The following CNST variants were observed in gnomAD, a reference collection of about 807,000 sequenced individuals.
The protein encoded by CNST is consortin, connexin sorting protein, also known as consortin.
A neutral mutation model predicts 72.4 loss-of-function variants in CNST; 39 were observed. The ratio of observed to expected loss-of-function variants is 0.54; its 90% CI spans 0.42 to 0.70. CNST has a LOEUF of 0.70. CNST is among the 30% of genes least tolerant of loss of function. The pLI is 0.00. For missense variants in CNST, 871 were observed against 868.5 expected (o/e 1.00, Z -0.04); for synonymous variants, 332 against 320.1 (o/e 1.04, Z -0.40).
In CNST at chr1:246,575,221, T is replaced by G. The variant is rs1660329188; in HGVS notation, c.-52+8558T>G. ...GTTGGCCAGGCTGGTCTTGAACTCCTGACCTCCTGACCTTTTGTCAAGTGT... is the reference window on the plus strand; with the variant it reads ...GTTGGCCAGGCTGGTCTTGAACTCCGGACCTCCTGACCTTTTGTCAAGTGT... On this transcript the variant is annotated intron_variant, in intron 1 of 10. Coordinates refer to ENST00000366513, the MANE Select transcript of CNST (RefSeq NM_152609.3). 3.3e-5 allele frequency among the ~76,000 whole-genome samples: 5 copies of G among 152,156 alleles called. 1 individual carries two copies. Among genetic ancestry groups the G allele is most frequent in the Admixed American group, 1.3e-4 (2 of 15,274 alleles).
At position 246,610,267 on chromosome 1, in the gene CNST, C is replaced by T. The variant is rs896922463; in HGVS notation, c.380-11162C>T. On this transcript the variant is annotated intron_variant, in intron 2 of 10. Coordinates refer to ENST00000366513, the MANE Select transcript of CNST (RefSeq NM_152609.3). Reference sequence around the variant, plus strand: ...CTGCACTCCAGCCTGGGCAATGGAGCGAGACTCCGTCGCAAAAACAAACAA... The same window carrying T: ...CTGCACTCCAGCCTGGGCAATGGAGTGAGACTCCGTCGCAAAAACAAACAA... Among the ~76,000 whole-genome samples the T allele has an allele frequency of 2.6e-5, 4 of 152,080 alleles. No homozygotes were observed. The East Asian group carries it at 5.8e-4, about 22-fold the overall frequency.
intron 9 of CNST, among the ~76,000 whole-genome samples, chr1:246,659,004 TAGGC>T (rs141834888): frequency 0.02 from 3,037 of 152,196 alleles, 97 homozygotes; most frequent in African/African-American, 0.07. Context: ...GGGTGGAACA[TAGGC>T]AGGAGAGAGG....
At chr1:246,660,072 T>C in intron 9 of CNST, 127 bp from the exon 10 acceptor site, 1 of 717,854 alleles carries the variant, frequency 1.4e-6, no homozygotes, top group Non-Finnish European at 2.2e-6. Flanking sequence ...GATGTTATTT[T>C]TTTCTATAGG....
intron 1 of CNST, among the ~76,000 whole-genome samples, chr1:246,579,451 T>C (rs1404870229): frequency 6.6e-6 from 1 of 152,238 alleles, no homozygotes; most frequent in African/African-American, 2.4e-5. Flanking sequence ...TGCATCTTGC[T>C]ATCACTAGAA....
At position 246,585,662 on chromosome 1, in the gene CNST, A is replaced by AT. The variant is rs1259566058; in HGVS notation, c.-51-5850_-51-5849insT. Among the ~76,000 whole-genome samples, 355 of 57,792 alleles carry AT rather than the reference A, an allele frequency of 6.1e-3. 12 individuals are homozygous for AT. Among genetic ancestry groups the AT allele is most frequent in the African/African-American group, 0.015 (244 of 16,628 alleles). The allele number at this position is 57,792 out of a possible 152,430, so 37.9% of individuals were successfully genotyped here. On this transcript the variant is annotated intron_variant, in intron 1 of 10. Transcript: ENST00000366513. ...GTCTCAAAAAAAAAAAAAAAAAAAA[A>AT]ATATACACACACACACACACACACA...
chr1:246,569,741 G>A (rs1399370594), intron 1 of CNST: 1 of 154,348 alleles, frequency 6.5e-6, no homozygotes, highest in African/African-American at 2.4e-5. Context: ...TTCTCTTAGT[G>A]TTGACTGTGT....
chr1:246,577,288 C>T (rs1248617130), intron 1 of CNST, among the ~76,000 whole-genome samples: 1 of 152,042 alleles, frequency 6.6e-6, no homozygotes, highest in East Asian at 1.9e-4. Context: ...CACCTGTCCT[C>T]CATACCGCCC....
At chr1:246,625,483 G>A (rs1212326859) in intron 3 of CNST, among the ~76,000 whole-genome samples, 3 of 133,628 alleles carry the variant, frequency 2.2e-5, no homozygotes, top group Non-Finnish European at 4.6e-5. Context: ...GTGCAGTGGC[G>A]TGATCTTGGC....
chr1:246,637,394 C>T (rs972011495), intron 6 of CNST, among the ~76,000 whole-genome samples: 2 of 152,224 alleles, frequency 1.3e-5, no homozygotes, highest in African/African-American at 4.8e-5. Flanking sequence ...GAGGCATGGC[C>T]TCATTCGCTG....
chr1:246,603,698 A>T (rs952421249), intron 2 of CNST, among the ~76,000 whole-genome samples: 1 of 152,218 alleles, frequency 6.6e-6, no homozygotes, highest in Non-Finnish European at 1.5e-5. Context: ...GAAAGAGGAC[A>T]TATGTGTGAA....
intron 9 of CNST, among the ~76,000 whole-genome samples, chr1:246,652,088 TATTATA>T (rs1666476972): frequency 6.6e-6 from 1 of 152,230 alleles, no homozygotes; most frequent in African/African-American, 2.4e-5. Flanking sequence ...GATGAAATTG[TATTATA>T]ATACCTATAA....
At chr1:246,578,004 T>C (rs1319319157) in intron 1 of CNST, among the ~76,000 whole-genome samples, 2 of 152,074 alleles carry the variant, frequency 1.3e-5, no homozygotes, top group African/African-American at 4.8e-5. Flanking sequence ...TTAAACATCA[T>C]CTTTAGAGAT....
intron 9 of CNST, 80 bp downstream of exon 9, chr1:246,648,117 T>C: frequency 6.7e-7 from 1 of 1,487,356 alleles, no homozygotes; most frequent in Non-Finnish European, 8.9e-7. Flanking sequence ...GCCTTGTTTT[T>C]GTAAGTTTTC....
chr1:246,600,305 T>G (rs1015394027), intron 2 of CNST, among the ~76,000 whole-genome samples: 10 of 152,242 alleles, frequency 6.6e-5, no homozygotes, highest in African/African-American at 2.4e-4. Flanking sequence ...AAAGTCCAGC[T>G]TATAAATTGT....
intron 2 of CNST, among the ~76,000 whole-genome samples, chr1:246,593,581 A>G (rs1162514585): frequency 6.6e-6 from 1 of 152,148 alleles, no homozygotes; most frequent in Non-Finnish European, 1.5e-5. Flanking sequence ...TGACCTCGTG[A>G]TCCGCCCACC....
chr1:246,634,911 G>T (rs1045053396), intron 6 of CNST, among the ~76,000 whole-genome samples: 4 of 151,804 alleles, frequency 2.6e-5, no homozygotes, highest in African/African-American at 9.7e-5. Flanking sequence ...CTGATGTAAC[G>T]GCTACGTGGT....
intron 2 of CNST, chr1:246,606,371 C>T (rs1239409248): frequency 6.6e-6 from 1 of 152,012 alleles, no homozygotes; most frequent in Non-Finnish European, 1.5e-5. Flanking sequence ...ACACGGGCTA[C>T]TTTTCTGATG....
At chr1:246,582,766 C>T (rs1660882688) in intron 1 of CNST, among the ~76,000 whole-genome samples, 1 of 152,188 alleles carries the variant, frequency 6.6e-6, no homozygotes. Flanking sequence ...TTTATTTCTT[C>T]TCTTGAGATT....
intron 1 of CNST, among the ~76,000 whole-genome samples, chr1:246,584,514 G>C (rs1448397450): frequency 1.3e-5 from 2 of 152,198 alleles, no homozygotes; most frequent in African/African-American, 4.8e-5. Flanking sequence ...AAAAATTCCA[G>C]CGTAGGTATC....
Sources: allele counts gnomAD v4.1 joint callset (sites outside exome capture counted in the v4.1 genomes callset), GRCh38; gene constraint gnomAD v4.1.1; transcripts MANE v1.5; gene names NCBI Gene and HGNC (gene_info 2026-07-23, HGNC 2026-07-21).